Variants in CDKAL1 observed in about 807,000 individuals in gnomAD.
CDKAL1 encodes threonylcarbamoyladenosine tRNA methylthiotransferase.
CDKAL1 carries 32 observed loss-of-function variants against 68.2 expected under a neutral mutation model. The ratio of observed to expected loss-of-function variants is 0.47; its 90% CI spans 0.35 to 0.63. The LOEUF (loss-of-function observed/expected upper bound fraction) is 0.63, where lower values mean the gene tolerates loss of function less well. Among genes scored for constraint, CDKAL1 ranks in the 30% least tolerant of loss-of-function variants. The pLI, the probability that CDKAL1 is intolerant of heterozygous loss-of-function variation, is 0.00. For synonymous variants in CDKAL1, 234 were observed against 244.3 expected (o/e 0.96, Z 0.39); for missense variants, 606 against 696.7 (o/e 0.87, Z 1.47).
chr6:20,595,468 A>G (rs967455311), intron 4 of CDKAL1, among the ~76,000 whole-genome samples: 7 of 151,790 alleles, frequency 4.6e-5, no homozygotes, highest in Non-Finnish European at 8.8e-5. Flanking sequence ...CCGTTTGGCT[A>G]TTGATACTTG....
intron 13 of CDKAL1, among the ~76,000 whole-genome samples, chr6:21,133,991 G>A (rs998079508): frequency 1.3e-5 from 2 of 152,128 alleles, no homozygotes; most frequent in South Asian, 4.1e-4. Context: ...TTAAATGCAA[G>A]CTGCAATACA....
chr6:20,703,659 CT>C (rs1771473177), intron 5 of CDKAL1, among the ~76,000 whole-genome samples: 1 of 151,904 alleles, frequency 6.6e-6, no homozygotes, highest in Admixed American at 6.6e-5. Context: ...ATGACTACAG[CT>C]TTTTTCTAGG....
intron 5 of CDKAL1, among the ~76,000 whole-genome samples, chr6:20,673,437 T>C (rs1769944651): frequency 6.6e-6 from 1 of 152,234 alleles, no homozygotes; most frequent in Non-Finnish European, 1.5e-5. Context: ...TTTTAGTGTA[T>C]TGCTTAGGGA....
At chr6:20,821,495 A>G (rs1307887567) in intron 8 of CDKAL1, among the ~76,000 whole-genome samples, 1 of 152,106 alleles carries the variant, frequency 6.6e-6, no homozygotes, top group Non-Finnish European at 1.5e-5. Context: ...TCTTTCCTCC[A>G]TAGCACTTAT....
chr6:20,950,631 A>C (rs772821799), intron 9 of CDKAL1, among the ~76,000 whole-genome samples: 1 of 152,166 alleles, frequency 6.6e-6, no homozygotes, highest in Non-Finnish European at 1.5e-5. Context: ...CTCAAGGATA[A>C]AATTGAGAGG....
At position 20,773,556 on chromosome 6, in the gene CDKAL1, AT is replaced by A. The variant is rs58828383; in HGVS notation, c.518-7580del. Among the ~76,000 whole-genome samples, 1,153 of 150,466 alleles carry A rather than the reference AT, an allele frequency of 7.7e-3. 21 individuals carry two copies. The highest frequency in any genetic ancestry group is 0.026 in the African/African-American group (1,078 of 40,778). The stretch of plus-strand genomic sequence containing the variant: ...ATTTACTTATTTATTTTTTATTTTT[AT>A]TTTTTTTTGAGGTGGAGTCTCGCTC... On this transcript the variant is annotated intron_variant, in intron 7 of 15. Coordinates refer to ENST00000274695, the MANE Select transcript of CDKAL1 (RefSeq NM_017774.3).
intron 9 of CDKAL1, among the ~76,000 whole-genome samples, chr6:20,938,061 G>A (rs1763805467): frequency 6.6e-6 from 1 of 151,986 alleles, no homozygotes; most frequent in Admixed American, 6.6e-5. Context: ...TTATATGGAA[G>A]ACCTCTGCTT....
intron 13 of CDKAL1, among the ~76,000 whole-genome samples, chr6:21,118,930 C>T (rs1774563876): frequency 6.6e-6 from 1 of 152,200 alleles, no homozygotes; most frequent in South Asian, 2.1e-4. Context: ...AAACAGAAAT[C>T]TCGAATTCAG....
chr6:20,780,134 A>G (rs1408655961), intron 7 of CDKAL1, among the ~76,000 whole-genome samples: 1 of 150,888 alleles, frequency 6.6e-6, no homozygotes, highest in African/African-American at 2.4e-5. Flanking sequence ...AAAATGCAAT[A>G]TGTCCATATA....
rs114325352 is a variant in CDKAL1, at chr6:21,230,844, A to G, written c.1549-4A>G. 1.1e-3 allele frequency: 1,837 copies of G among 1,597,738 alleles called. 24 individuals carry two copies. In the African/African-American group the frequency reaches 0.022, roughly 19 times the overall value. ...AATTTTTTCCTCTGTTTCTCTCTTT[A>G]TAGGACTTCAGAAATGGGCTTGGGA... is the stretch of plus-strand genomic sequence containing the variant. On this transcript the variant is annotated splice_polypyrimidine_tract_variant and splice_region_variant and intron_variant, in intron 15 of 15. Transcript: ENST00000274695.
At chr6:20,809,890 T>G (rs950029571) in intron 8 of CDKAL1, among the ~76,000 whole-genome samples, 20 of 152,232 alleles carry the variant, frequency 1.3e-4, no homozygotes, top group African/African-American at 4.3e-4. Context: ...TAAGATCTTA[T>G]GAATAGAAAT....
intron 4 of CDKAL1, among the ~76,000 whole-genome samples, chr6:20,582,671 TC>T (rs1289536038): frequency 6.6e-6 from 1 of 152,184 alleles, no homozygotes; most frequent in Non-Finnish European, 1.5e-5. Context: ...TTATTAAAGA[TC>T]AGTTGGTTTT....
intron 11 of CDKAL1, among the ~76,000 whole-genome samples, chr6:21,061,798 C>G (rs1414574337): frequency 1.3e-5 from 2 of 152,104 alleles, no homozygotes; most frequent in Non-Finnish European, 2.9e-5. Context: ...ATAGATCCGC[C>G]TCATCTCACA....
chr6:20,567,162 A>C (rs1018652940), intron 4 of CDKAL1, among the ~76,000 whole-genome samples: 4 of 150,868 alleles, frequency 2.7e-5, no homozygotes, highest in Non-Finnish European at 5.9e-5. Context: ...AAATTGGTAT[A>C]CGTGGCATAA....
intron 12 of CDKAL1, among the ~76,000 whole-genome samples, chr6:21,096,174 C>T (rs1321109332): frequency 1.3e-5 from 2 of 152,146 alleles, no homozygotes; most frequent in Non-Finnish European, 2.9e-5. Flanking sequence ...TTTCGAGCTT[C>T]TCTTCAAATG....
intron 13 of CDKAL1, among the ~76,000 whole-genome samples, chr6:21,191,382 T>C (rs1158367258): frequency 6.6e-6 from 1 of 152,252 alleles, no homozygotes; most frequent in African/African-American, 2.4e-5. Flanking sequence ...TAAGCATAGA[T>C]GTGACACAAA....
At chr6:21,205,581 A>T (rs1211023935) in intron 15 of CDKAL1, among the ~76,000 whole-genome samples, 1 of 151,748 alleles carries the variant, frequency 6.6e-6, no homozygotes, top group Non-Finnish European at 1.5e-5. Flanking sequence ...CCCAGGCTGG[A>T]GTGCAGTGGC....
At chr6:20,928,211 G>C (rs1763267378) in intron 9 of CDKAL1, among the ~76,000 whole-genome samples, 1 of 152,168 alleles carries the variant, frequency 6.6e-6, no homozygotes, top group Non-Finnish European at 1.5e-5. Context: ...TCATGGAAGG[G>C]GGAAGGTGCC....
At chr6:21,160,636 GACACACAC>G (rs70993208) in intron 13 of CDKAL1, among the ~76,000 whole-genome samples, 1 of 123,318 alleles carries the variant, frequency 8.1e-6, no homozygotes, top group African/African-American at 3.0e-5. Context: ...TTTGGACACA[GACACACAC>G]ACACACACAC....
Sources: gnomAD v4.1 joint callset for allele counts (sites outside exome capture counted in the v4.1 genomes callset) on GRCh38, gnomAD v4.1.1 for gene constraint, MANE v1.5 for transcripts, NCBI Gene and HGNC (gene_info 2026-07-23, HGNC 2026-07-21) for gene names.